The following TNS3 variants were observed in gnomAD, a reference collection of about 807,000 sequenced individuals.
TNS3 encodes the protein tensin-3.
In TNS3, 45 loss-of-function variants were observed where a neutral mutation model predicts 140.9. The ratio of observed to expected loss-of-function variants is 0.32; its 90% CI spans 0.25 to 0.41. The LOEUF (loss-of-function observed/expected upper bound fraction) is 0.41, where lower values mean the gene tolerates loss of function less well. TNS3 is among the 10% of genes least tolerant of loss of function. TNS3 has a pLI of 1.00. For missense variants in TNS3, 1,716 were observed against 1,906.7 expected (o/e 0.90, Z 1.86); for synonymous variants, 815 against 788.4 (o/e 1.03, Z -0.56).
At chr7:47,433,896 TC>T (rs1795046725) in intron 8 of TNS3, among the ~76,000 whole-genome samples, 1 of 139,138 alleles carries the variant, frequency 7.2e-6, no homozygotes, top group African/African-American at 3.3e-5. Flanking sequence ...TCTCTCTCTC[TC>T]TCTCTCTCTC....
intron 1 of TNS3, among the ~76,000 whole-genome samples, chr7:47,574,299 T>C (rs999083128): frequency 3.3e-5 from 5 of 152,052 alleles, no homozygotes; most frequent in African/African-American, 1.2e-4. Context: ...AATCACAGAG[T>C]TTACACAATC....
intron 8 of TNS3, among the ~76,000 whole-genome samples, chr7:47,430,823 C>T (rs1033719807): frequency 8.6e-5 from 13 of 151,714 alleles, no homozygotes; most frequent in Admixed American, 7.9e-4. Flanking sequence ...TGGGTTCAAG[C>T]GATTCTCGTG....
At chr7:47,500,787 C>T (rs572894963) in intron 3 of TNS3, among the ~76,000 whole-genome samples, 94 of 152,144 alleles carry the variant, frequency 6.2e-4, no homozygotes, top group Non-Finnish European at 9.7e-4. Context: ...TTATGAAAAA[C>T]GTATTGGTCC....
intron 20 of TNS3, among the ~76,000 whole-genome samples, chr7:47,340,355 T>G (rs1376985758): frequency 6.6e-6 from 1 of 150,894 alleles, no homozygotes; most frequent in African/African-American, 2.4e-5. Flanking sequence ...TCTCTTGACC[T>G]CGTGATCTGC....
chr7:47,426,808 A>C (rs1023701657), intron 9 of TNS3, among the ~76,000 whole-genome samples: 6 of 152,168 alleles, frequency 3.9e-5, no homozygotes, highest in Non-Finnish European at 8.8e-5. Flanking sequence ...CGGTTCAGGC[A>C]GTACTACTTT....
intron 4 of TNS3, among the ~76,000 whole-genome samples, chr7:47,474,115 T>TC (rs1489559458): frequency 3.6e-5 from 2 of 56,322 alleles, no homozygotes; most frequent in Admixed American, 4.9e-4. Flanking sequence ...TGAGCAAGTC[T>TC]CAACACACAC....
intron 3 of TNS3, among the ~76,000 whole-genome samples, chr7:47,486,048 G>T (rs1038101934): frequency 6.6e-6 from 1 of 151,610 alleles, no homozygotes; most frequent in African/African-American, 2.4e-5. Context: ...AGGTGTGTGA[G>T]TGTGGGTGTG....
intron 10 of TNS3, among the ~76,000 whole-genome samples, chr7:47,417,758 C>A (rs1050813637): frequency 2.1e-5 from 3 of 145,904 alleles, no homozygotes; most frequent in Non-Finnish European, 4.5e-5. Context: ...TTAACAACAA[C>A]AACAAAAAAA....
chr7:47,351,414 G>A (rs912942795), intron 17 of TNS3, among the ~76,000 whole-genome samples: 1 of 151,970 alleles, frequency 6.6e-6, no homozygotes, highest in Admixed American at 6.6e-5. Context: ...CCTGCAGCAG[G>A]GGTCTCTCTC....
chr7:47,474,361 A>G (rs1398260987), intron 4 of TNS3, among the ~76,000 whole-genome samples: 2 of 150,032 alleles, frequency 1.3e-5, no homozygotes, highest in Non-Finnish European at 3.0e-5. Flanking sequence ...AACACACACA[A>G]AACACTTCAC....
intron 4 of TNS3, among the ~76,000 whole-genome samples, chr7:47,480,826 G>A (rs753774519): frequency 1.1e-4 from 16 of 152,276 alleles, no homozygotes; most frequent in Non-Finnish European, 2.1e-4. Context: ...AAGGAAACTC[G>A]GCCCAGGGAG....
At chr7:47,322,420 G>C (rs1768172302) in intron 20 of TNS3, among the ~76,000 whole-genome samples, 1 of 152,156 alleles carries the variant, frequency 6.6e-6, no homozygotes, top group African/African-American at 2.4e-5. Context: ...TACTCAGGAG[G>C]ATGAAGCAGG....
At chr7:47,476,655 CT>C (rs1254458775) in intron 4 of TNS3, among the ~76,000 whole-genome samples, 1 of 152,182 alleles carries the variant, frequency 6.6e-6, no homozygotes, top group Non-Finnish European at 1.5e-5. Flanking sequence ...GTGCATGCCC[CT>C]GATGCCTTAG....
Position 47,354,650 on chromosome 7 carries a change from T to C in TNS3, c.2282-8294A>G, listed in dbSNP as rs375360611. Among the ~76,000 whole-genome samples, 10 of 150,556 alleles carry C rather than the reference T, an allele frequency of 6.6e-5. No homozygotes were observed. In the East Asian group the frequency reaches 9.8e-4, roughly 15 times the overall value. ...CTGCATCCTCTCCTTACAAAGGTCA[T>C]GAGTACTCAGTGCAGAAATCTCAGG... On this transcript the variant is annotated intron_variant, in intron 17 of 30. Transcript: ENST00000311160.
At chr7:47,490,532 T>A (rs879759176) in intron 3 of TNS3, among the ~76,000 whole-genome samples, 1 of 152,238 alleles carries the variant, frequency 6.6e-6, no homozygotes, top group Admixed American at 6.5e-5. Flanking sequence ...TGTGGCCTGC[T>A]GTGAGTGGTG....
Position 47,283,702 on chromosome 7 carries a change from C to T in TNS3, c.4092G>A (p.Gln1364=). Reference sequence around the variant, plus strand: ...GCCTCCCTCTAGGCACTCACTTCCTCTGATTGTCTGTCAGGGTGATGCCCT... The same window carrying T: ...GCCTCCCTCTAGGCACTCACTTCCTTTGATTGTCTGTCAGGGTGATGCCCT... ...SAQGITLTDN[Q]RKLFFRRHYP... The change falls in exon 28 of 31, where the codon CAG becomes CAA. Residue 1364 remains glutamine, a synonymous_variant. Coordinates refer to ENST00000311160, the MANE Select transcript of TNS3 (RefSeq NM_022748.12). 6.4e-7 allele frequency: 1 copy of T among 1,572,884 alleles called. No individual in the cohort carries two copies. The highest frequency in any genetic ancestry group is 8.6e-7 in the Non-Finnish European group (1 of 1,161,228).
At chr7:47,341,488 T>G (rs1193160982) in intron 20 of TNS3, among the ~76,000 whole-genome samples, 1 of 152,214 alleles carries the variant, frequency 6.6e-6, no homozygotes, top group African/African-American at 2.4e-5. Flanking sequence ...ACTGGTCTAT[T>G]TAACCTAAGT....
At chr7:47,345,807 A>C (rs1193220060) in intron 18 of TNS3, among the ~76,000 whole-genome samples, 1 of 152,222 alleles carries the variant, frequency 6.6e-6, no homozygotes, top group South Asian at 2.1e-4. Flanking sequence ...CGGGCTATGG[A>C]GAATGGCTAA....
intron 4 of TNS3, among the ~76,000 whole-genome samples, chr7:47,446,866 T>G (rs185218513): frequency 2.6e-4 from 13 of 50,084 alleles, no homozygotes; most frequent in African/African-American, 5.2e-4. Context: ...CTAATTTTTG[T>G]TTTTTTTTTG....
Sources: allele counts gnomAD v4.1 joint callset (sites outside exome capture counted in the v4.1 genomes callset), GRCh38; gene constraint gnomAD v4.1.1; transcripts MANE v1.5; gene names NCBI Gene and HGNC (gene_info 2026-07-23, HGNC 2026-07-21).